The following STK39 variants were observed in gnomAD, a reference collection of about 807,000 sequenced individuals.
STK39 encodes the protein serine/threonine kinase 39, also known as STE20/SPS1-related proline-alanine-rich protein kinase.
In STK39, 20 loss-of-function variants were observed where a neutral mutation model predicts 77.8. The observed-to-expected ratio is 0.26, with a 90% CI of 0.18 to 0.37. The LOEUF is 0.37. Ranked by LOEUF, STK39 falls within the 10% of genes least tolerant of loss-of-function variation. The pLI is 1.00. For missense variants in STK39, 479 were observed against 656.5 expected, an observed-to-expected ratio of 0.73 and a Z score of 2.95; for synonymous variants, 246 against 234.1, an observed-to-expected ratio of 1.05 and a Z score of -0.47.
chr2:168,107,958 G>A (rs976109522), intron 10 of STK39, among the ~76,000 whole-genome samples: 1 of 152,172 alleles, frequency 6.6e-6, no homozygotes, highest in African/African-American at 2.4e-5. Context: ...CAACGTGTAT[G>A]GTCAAATCAT....
At chr2:168,195,054 C>T (rs949039626) in intron 1 of STK39, among the ~76,000 whole-genome samples, 4 of 152,168 alleles carry the variant, frequency 2.6e-5, no homozygotes, top group African/African-American at 9.7e-5. Context: ...TTGATAAGTA[C>T]TTGTTAAATT....
intron 16 of STK39, among the ~76,000 whole-genome samples, chr2:167,975,549 C>T (rs1179939928): frequency 6.6e-6 from 1 of 152,190 alleles, no homozygotes; most frequent in Non-Finnish European, 1.5e-5. Flanking sequence ...GGCACGGTGG[C>T]TCACGCCTGT....
At chr2:167,970,236 A>T (rs916181749) in intron 16 of STK39, among the ~76,000 whole-genome samples, 3 of 152,144 alleles carry the variant, frequency 2.0e-5, no homozygotes, top group African/African-American at 7.2e-5. Flanking sequence ...ATATTTATAC[A>T]TTATTTCTGG....
At chr2:168,023,496 T>A (rs1025014737) in intron 14 of STK39, among the ~76,000 whole-genome samples, 5 of 152,168 alleles carry the variant, frequency 3.3e-5, no homozygotes, top group African/African-American at 1.2e-4. Context: ...TTACAGGATG[T>A]AGCTTTTATC....
At chr2:167,967,759 T>C (rs929228757) in intron 16 of STK39, among the ~76,000 whole-genome samples, 1 of 152,178 alleles carries the variant, frequency 6.6e-6, no homozygotes, top group Non-Finnish European at 1.5e-5. Context: ...TCTGTATACA[T>C]TCCTTGCACT....
At chr2:167,962,842 C>T (rs754526119) in intron 17 of STK39, among the ~76,000 whole-genome samples, 1 of 152,314 alleles carries the variant, frequency 6.6e-6, no homozygotes. Flanking sequence ...GGGGAGTCTG[C>T]AGCTTCCAGA....
intron 14 of STK39, among the ~76,000 whole-genome samples, chr2:168,043,650 C>A (rs1239794967): frequency 6.6e-6 from 1 of 152,230 alleles, no homozygotes; most frequent in Non-Finnish European, 1.5e-5. Context: ...TGACCACCAA[C>A]AAAGATGTAG....
chr2:168,125,142 T>C (rs1559109129), intron 10 of STK39, among the ~76,000 whole-genome samples: 1 of 151,850 alleles, frequency 6.6e-6, no homozygotes, highest in Admixed American at 6.6e-5. Flanking sequence ...AAAGAGTTGA[T>C]GTGAAACATG....
intron 16 of STK39, among the ~76,000 whole-genome samples, chr2:168,004,732 C>CAAAAAAAA (rs529234296): frequency 1.1e-5 from 1 of 93,790 alleles, no homozygotes; most frequent in Non-Finnish European, 2.4e-5. Context: ...GACTCCATCT[C>CAAAAAAAA]AAAAAAAAAA....
chr2:168,224,063 T>C (rs1204154129), intron 1 of STK39, among the ~76,000 whole-genome samples: 2 of 151,504 alleles, frequency 1.3e-5, no homozygotes, highest in Non-Finnish European at 2.9e-5. Flanking sequence ...TCTGTAAACA[T>C]AAAGAAAAAA....
intron 12 of STK39, among the ~76,000 whole-genome samples, chr2:168,071,655 G>A (rs181912476): frequency 2.8e-4 from 43 of 152,198 alleles, no homozygotes; most frequent in Admixed American, 2.3e-3. Flanking sequence ...GCCGAGGCTG[G>A]CAGATCACGA....
At chr2:168,182,783 A>G (rs1224411013) in intron 1 of STK39, among the ~76,000 whole-genome samples, 4 of 152,190 alleles carry the variant, frequency 2.6e-5, no homozygotes, top group Admixed American at 1.3e-4. Context: ...GCAGAGCACA[A>G]AAGAACTCCT....
chr2:168,111,548 T>A (rs185125158), intron 10 of STK39, among the ~76,000 whole-genome samples: 1 of 152,220 alleles, frequency 6.6e-6, no homozygotes, highest in Admixed American at 6.5e-5. Context: ...TGATAGGTGA[T>A]CTGTTTTACT....
intron 1 of STK39, among the ~76,000 whole-genome samples, chr2:168,209,112 GGT>G (rs1403134040): frequency 6.6e-6 from 1 of 151,976 alleles, no homozygotes; most frequent in Non-Finnish European, 1.5e-5. Context: ...CTTCGATTTT[GGT>G]TAACCCTAGA....
intron 8 of STK39, among the ~76,000 whole-genome samples, chr2:168,135,490 A>G (rs1687807891): frequency 6.6e-6 from 1 of 152,218 alleles, no homozygotes; most frequent in Non-Finnish European, 1.5e-5. Context: ...CTCTAGGAGG[A>G]TGTGGCATCT....
At chr2:168,087,788 G>T (rs567919780) in intron 10 of STK39, among the ~76,000 whole-genome samples, 63 of 152,258 alleles carry the variant, frequency 4.1e-4, no homozygotes, top group African/African-American at 1.5e-3. Flanking sequence ...GCTAGCAGAA[G>T]AGCAATACCC....
chr2:168,202,944 T>C (rs1484513364), intron 1 of STK39, among the ~76,000 whole-genome samples: 1 of 152,140 alleles, frequency 6.6e-6, no homozygotes, highest in Non-Finnish European at 1.5e-5. Context: ...AATGCTGCCA[T>C]GGAGGTTACA....
At chr2:168,201,362 C>T (rs1237676517) in intron 1 of STK39, among the ~76,000 whole-genome samples, 1 of 152,224 alleles carries the variant, frequency 6.6e-6, no homozygotes. Context: ...TGAGAACACA[C>T]GCAGACCCAG....
chr2:168,246,122 T>C (rs1690893507), intron 1 of STK39, among the ~76,000 whole-genome samples: 1 of 152,130 alleles, frequency 6.6e-6, no homozygotes, highest in Admixed American at 6.5e-5. Flanking sequence ...TTAAGATAAA[T>C]ATTCTGAACT....
Sources: gnomAD v4.1 joint callset for allele counts (sites outside exome capture counted in the v4.1 genomes callset) on GRCh38, gnomAD v4.1.1 for gene constraint, MANE v1.5 for transcripts, NCBI Gene and HGNC (gene_info 2026-07-23, HGNC 2026-07-21) for gene names.